TTYH1: variants seen among roughly 807,000 people sequenced by gnomAD.
The protein encoded by TTYH1 is protein tweety homolog 1.
TTYH1 carries 33 observed loss-of-function variants against 61.2 expected under a neutral mutation model. The ratio of observed to expected loss-of-function variants is 0.54; its 90% confidence interval spans 0.41 to 0.72. TTYH1 has a LOEUF of 0.72. Ranked by LOEUF, TTYH1 falls within the 30% of genes least tolerant of loss-of-function variation. TTYH1 has a pLI of 0.00. For missense variants in TTYH1, 538 were observed against 575.8 expected, an observed-to-expected ratio of 0.93 and a Z score of 0.67; for synonymous variants, 308 against 266.4, an observed-to-expected ratio of 1.16 and a Z score of -1.52.
chr19:54,422,464 C>CG lies in TTYH1; in HGVS notation c.638+60dup, dbSNP rs979403378. 31 of 1,433,192 alleles carry CG rather than the reference C, an allele frequency of 2.2e-5. No individual in the cohort carries two copies. The East Asian group carries it at 3.3e-4, about 15-fold the overall frequency. The allele number at this position is 1,433,192 out of a possible 1,614,324, so 88.8% of individuals were successfully genotyped here. A position where few individuals can be genotyped will look rare whatever the true frequency, so the allele number is the denominator to read the frequency against. ...GCCGGCAGCTCTCAGGCGGAGTCCCCGGGGGGACAGTTGGCAATGCCTGGA... is the reference window on the plus strand; with the variant it reads ...GCCGGCAGCTCTCAGGCGGAGTCCCCGGGGGGGACAGTTGGCAATGCCTGGA... On this transcript the variant is annotated intron_variant, in intron 4 of 13. Coordinates refer to ENST00000376530, the MANE Select transcript of TTYH1 (RefSeq NM_020659.4).
intron 9 of TTYH1, 58 bp downstream of exon 9, chr19:54,430,963 G>T: frequency 6.3e-7 from 1 of 1,585,410 alleles, no homozygotes; most frequent in Non-Finnish European, 8.6e-7. Context: ...GGACGGGGCG[G>T]GATGGAGCTG....
Position 54,419,313 on chromosome 19 carries a change from G to T in TTYH1, c.305+7G>T, listed in dbSNP as rs779322857. ...TCGCCCTTCTCGCCGGCTGGTAATGGGGCCCCAGGGTGGGTGGGCGGTGGG... is the reference window on the plus strand; with the variant it reads ...TCGCCCTTCTCGCCGGCTGGTAATGTGGCCCCAGGGTGGGTGGGCGGTGGG... On this transcript the variant is annotated splice_region_variant and intron_variant, in intron 2 of 13. Transcript: ENST00000376530. This position sits in a 1 kb window ranked among gnomAD's most constrained non-coding sequence, Gnocchi z 6.1. 2.0e-5 allele frequency: 32 copies of T among 1,594,174 alleles called. No individual in the cohort carries two copies. The highest frequency in any genetic ancestry group is 2.5e-5 in the Non-Finnish European group (29 of 1,176,176).
intron 1 of TTYH1, among the ~76,000 whole-genome samples, chr19:54,417,623 G>A (rs1364142733): frequency 1.1e-4 from 11 of 97,020 alleles, no homozygotes; most frequent in Non-Finnish European, 2.1e-4. Flanking sequence ...AGCACACACT[G>A]CACTTATATA....
chr19:54,420,936 C>T lies in TTYH1; in HGVS notation c.306-341C>T. Reference sequence around the variant, plus strand: ...GGGGGAAGGGTGTGGGGCAGGCAGTCCTAGGGAGGGGAAGACGGCCCATCC... The same window carrying T: ...GGGGGAAGGGTGTGGGGCAGGCAGTTCTAGGGAGGGGAAGACGGCCCATCC... On this transcript the variant is annotated intron_variant, in intron 2 of 13. Coordinates refer to ENST00000376530, the MANE Select transcript of TTYH1 (RefSeq NM_020659.4). The surrounding 1 kb of genome is among the most constrained non-coding windows in gnomAD (Gnocchi z 4.8). 2.5e-6 allele frequency: 1 copy of T among 404,158 alleles called. No homozygotes were observed. The highest frequency in any genetic ancestry group is 4.9e-6 in the Non-Finnish European group (1 of 204,452). The allele number at this position is 404,158 out of a possible 1,614,324, so 25.0% of individuals were successfully genotyped here. A position where few individuals can be genotyped will look rare whatever the true frequency, so the allele number is the denominator to read the frequency against.
Position 54,435,544 on chromosome 19 carries a change from C to T in TTYH1, c.1128C>T (p.Asp376=). 1 of 1,598,750 alleles carries T rather than the reference C, an allele frequency of 6.3e-7. No individual in the cohort carries two copies. Among genetic ancestry groups the T allele is most frequent in the Non-Finnish European group, 8.5e-7 (1 of 1,175,046 alleles). The change falls in exon 11 of 14, where the codon GAC becomes GAT. Residue 376 remains aspartate, a splice_region_variant and synonymous_variant. Transcript: ENST00000376530. ...GCCTGATGACGCCCTCCCCTCAGGA[C>T]TATGGTGCAGCCCTGCGGGGCCTGT... ...ALLHCRSLHK[D]YGAALRGLCE...
intron 5 of TTYH1, among the ~76,000 whole-genome samples, chr19:54,428,848 C>G (rs750873018): frequency 3.3e-5 from 5 of 152,104 alleles, no homozygotes; most frequent in Admixed American, 2.0e-4. Flanking sequence ...GTCACCCTAC[C>G]AATGCTGACA....
At chr19:54,426,610 G>C in intron 4 of TTYH1, 63 bp from the exon 5 acceptor site, 2 of 1,315,252 alleles carry the variant, frequency 1.5e-6, no homozygotes, top group East Asian at 4.6e-5. Context: ...GTGGAGGGTT[G>C]CTGTTCCGCC....
At chr19:54,425,852 A>G (rs189232627) in intron 4 of TTYH1, among the ~76,000 whole-genome samples, 113 of 152,114 alleles carry the variant, frequency 7.4e-4, no homozygotes, top group African/African-American at 2.6e-3. Flanking sequence ...AGTAGCTGGG[A>G]TTACAGGCGT....
intron 4 of TTYH1, among the ~76,000 whole-genome samples, chr19:54,424,399 G>A (rs559754559): frequency 7.2e-5 from 11 of 152,356 alleles, no homozygotes; most frequent in African/African-American, 2.2e-4. Context: ...CGGGGCATGC[G>A]CTGAGATTTG....
rs888085838 is a variant in TTYH1 at position 54,416,335 on chromosome 19, C to G, written c.126+657C>G. 1.2e-5 allele frequency: 3 copies of G among 244,500 alleles called. No homozygotes were observed. The highest frequency in any genetic ancestry group is 6.9e-5 in the African/African-American group (3 of 43,348). The allele number at this position is 244,500 out of a possible 1,614,324, so 15.1% of individuals were successfully genotyped here. A position where few individuals can be genotyped will look rare whatever the true frequency, so the allele number is the denominator to read the frequency against. On this transcript the variant is annotated intron_variant, in intron 1 of 13. Coordinates refer to ENST00000376530, the MANE Select transcript of TTYH1 (RefSeq NM_020659.4). This position sits in a 1 kb window ranked among gnomAD's most constrained non-coding sequence, Gnocchi z 7.0. The stretch of plus-strand genomic sequence containing the variant: ...TTGGGGAGCCTCGGGATGACAGACC[C>G]GGGTCCCGAGGGTGGGGCCGGTGTG...
chr19:54,427,721 G>T (rs372682251), intron 5 of TTYH1, among the ~76,000 whole-genome samples: 42 of 152,240 alleles, frequency 2.8e-4, no homozygotes, highest in African/African-American at 9.9e-4. Flanking sequence ...GGCTCCATGT[G>T]GCCGGTCAGG....
At position 54,421,428 on chromosome 19, in the gene TTYH1, T is replaced by C. The variant is rs1422199214; in HGVS notation, c.417+40T>C. Reference sequence around the variant, plus strand: ...ACCAGTGGGACCCCAGACCCACACCTGGACGGGCTCCCCACACCCAAGGAC... The same window carrying C: ...ACCAGTGGGACCCCAGACCCACACCCGGACGGGCTCCCCACACCCAAGGAC... On this transcript the variant is annotated intron_variant, in intron 3 of 13. Coordinates refer to ENST00000376530, the MANE Select transcript of TTYH1 (RefSeq NM_020659.4). This position sits in a 1 kb window ranked among gnomAD's most constrained non-coding sequence, Gnocchi z 4.8. 1 of 1,380,668 alleles carries C rather than the reference T, an allele frequency of 7.2e-7. No individual in the cohort carries two copies. Among genetic ancestry groups the C allele is most frequent in the Non-Finnish European group, 1.0e-6 (1 of 967,446 alleles). The allele number at this position is 1,380,668 out of a possible 1,614,324, so 85.5% of individuals were successfully genotyped here.
At chr19:54,428,358 G>A (rs761459914) in intron 5 of TTYH1, among the ~76,000 whole-genome samples, 61 of 152,050 alleles carry the variant, frequency 4.0e-4, no homozygotes, top group Non-Finnish European at 7.4e-4. Context: ...CAAAGTGCCT[G>A]GATTACAGGC....
chr19:54,422,375 G>T lies in TTYH1; in HGVS notation c.603G>T (p.Gln201His). ...AGGGAGTGCCCCTGAGCCCCCTGCAGGTGGCTGAAAATGTGTCCTTTGTGG... is the reference window on the plus strand; with the variant it reads ...AGGGAGTGCCCCTGAGCCCCCTGCATGTGGCTGAAAATGTGTCCTTTGTGG... ...FWQGVPLSPL[Q>H]VAENVSFVEE... Residue 201 changes from glutamine (Q) to histidine (H), a missense_variant, in exon 4 of 14, where the codon CAG becomes CAT. Physicochemically the swap from Gln to His is conservative, Grantham distance 24. This residue lies in a region of TTYH1 where 378 missense variants were observed against 401.2 expected (regional missense o/e 0.94). Transcript: ENST00000376530. 6.4e-7 allele frequency: 1 copy of T among 1,573,754 alleles called. No individual in the cohort carries two copies. Among genetic ancestry groups the T allele is most frequent in the South Asian group, 1.2e-5 (1 of 85,736 alleles).
chr19:54,418,049 G>C (rs752920821), intron 1 of TTYH1, among the ~76,000 whole-genome samples: 25 of 151,884 alleles, frequency 1.6e-4, no homozygotes, highest in Non-Finnish European at 3.5e-4. Context: ...GTGTGTGTAT[G>C]TGTGTGGACA....
rs1367578100 is a variant in TTYH1, at chr19:54,434,223, A to AC, written c.1126-1314dup. ...GCCTCTTCCCTGTCCCCCCTCGCCT[A>AC]CCCCCGTCTGTCCTCCATGCAGCAG... On this transcript the variant is annotated intron_variant, in intron 10 of 13. Coordinates refer to ENST00000376530, the MANE Select transcript of TTYH1 (RefSeq NM_020659.4). The surrounding 1 kb of genome is among the most constrained non-coding windows in gnomAD (Gnocchi z 4.3). The AC allele has an allele frequency of 1.3e-5, 2 of 150,542 alleles. No individual in the cohort carries two copies. Among genetic ancestry groups the AC allele is most frequent in the African/African-American group, 4.9e-5 (2 of 40,622 alleles). 9.3% of individuals were successfully genotyped at this position (150,542 alleles called of 1,614,324 possible).
Position 54,430,623 on chromosome 19 carries a change from G to C in TTYH1, c.939+18G>C, listed in dbSNP as rs759277607. On this transcript the variant is annotated intron_variant, in intron 8 of 13. Coordinates refer to ENST00000376530, the MANE Select transcript of TTYH1 (RefSeq NM_020659.4). ...TCCAACAGGTTAGGGCTGCGGGCAG[G>C]GGAAACGGGTGTTGAGGGAGCCAGA... 2.4e-5 allele frequency: 38 copies of C among 1,613,516 alleles called. No homozygotes were observed. The highest frequency in any genetic ancestry group is 3.2e-5 in the Non-Finnish European group (38 of 1,179,714).
intron 4 of TTYH1, among the ~76,000 whole-genome samples, chr19:54,425,214 C>A (rs1040863832): frequency 6.6e-6 from 1 of 152,176 alleles, no homozygotes; most frequent in Admixed American, 6.5e-5. Flanking sequence ...CTGCCGGATC[C>A]GGAGGGTGGA....
rs111494755 is a variant in TTYH1 at position 54,425,187 on chromosome 19, C to T, written c.639-1486C>T. ...CGGCAATGGGTGTCTCCCTGGATCA[C>T]GAGCACAGTGGACACCCTGCCGGAT... On this transcript the variant is annotated intron_variant, in intron 4 of 13. Transcript: ENST00000376530. Among the ~76,000 whole-genome samples, 1,402 of 152,304 alleles carry T rather than the reference C, an allele frequency of 9.2e-3. 24 individuals carry two copies. Among genetic ancestry groups the T allele is most frequent in the African/African-American group, 0.031 (1,295 of 41,560 alleles).
Sources: allele counts gnomAD v4.1 joint callset (sites outside exome capture counted in the v4.1 genomes callset), GRCh38; gene constraint gnomAD v4.1.1; regional missense constraint gnomAD v4.1.1; non-coding constraint Gnocchi (gnomAD v3.1); transcripts MANE v1.5; gene names NCBI Gene and HGNC (gene_info 2026-07-23, HGNC 2026-07-21).